CSMD3: variants seen among roughly 807,000 people sequenced by gnomAD.
The protein encoded by CSMD3 is CUB and Sushi multiple domains 3.
CSMD3 carries 177 observed loss-of-function variants against 435.2 expected under a neutral mutation model. That is an observed-to-expected ratio of 0.41 (90% confidence interval 0.36 to 0.46). The LOEUF (loss-of-function observed/expected upper bound fraction) is 0.46. Ranked by LOEUF, CSMD3 falls within the 20% of genes least tolerant of loss-of-function variation. The pLI is 0.34. For synonymous variants in CSMD3, 1,656 were observed against 1,520.5 expected (o/e 1.09, Z -2.07); for missense variants, 4,265 against 4,504.6 (o/e 0.95, Z 1.52).
chr8:112,486,769 G>T (rs1820176740), intron 31 of CSMD3, among the ~76,000 whole-genome samples: 1 of 152,204 alleles, frequency 6.6e-6, no homozygotes, highest in Admixed American at 6.5e-5. Flanking sequence ...GTATATCCAT[G>T]CTGTGCTCAC....
Position 112,701,115 on chromosome 8 carries a change from A to G in CSMD3, c.1973-11065T>C, listed in dbSNP as rs139087692. Among the ~76,000 whole-genome samples the G allele has an allele frequency of 4.0e-3, 604 of 152,244 alleles. 3 individuals carry two copies. Among genetic ancestry groups the G allele is most frequent in the African/African-American group, 0.01 (434 of 41,554 alleles). Reference sequence around the variant, plus strand: ...CACCTCCCAAGCTCCTCAATAAAGTATTAGTCTATAATCTTTGCTTCAACT... The same window carrying G: ...CACCTCCCAAGCTCCTCAATAAAGTGTTAGTCTATAATCTTTGCTTCAACT... On this transcript the variant is annotated intron_variant, in intron 13 of 70. Coordinates refer to ENST00000297405, the MANE Select transcript of CSMD3 (RefSeq NM_198123.2).
At chr8:112,473,721 ATTTTT>A (rs71309772) in intron 31 of CSMD3, among the ~76,000 whole-genome samples, 1 of 131,318 alleles carries the variant, frequency 7.6e-6, no homozygotes, top group Non-Finnish European at 1.6e-5. Context: ...AGGAAGAGGG[ATTTTT>A]TTTTTTTTTT....
intron 3 of CSMD3, among the ~76,000 whole-genome samples, chr8:113,260,594 T>C (rs1563619427): frequency 6.6e-6 from 1 of 152,164 alleles, no homozygotes; most frequent in Non-Finnish European, 1.5e-5. Context: ...CTCTCAAGAA[T>C]GATAAAATCT....
At chr8:112,914,778 C>A (rs1564099005) in intron 10 of CSMD3, among the ~76,000 whole-genome samples, 2 of 151,714 alleles carry the variant, frequency 1.3e-5, no homozygotes, top group African/African-American at 2.4e-5. Flanking sequence ...ATTTTGAGTG[C>A]ATATACATAG....
chr8:112,888,886 A>C (rs1437412990), intron 10 of CSMD3, among the ~76,000 whole-genome samples: 2 of 151,636 alleles, frequency 1.3e-5, no homozygotes, highest in Non-Finnish European at 3.0e-5. Flanking sequence ...CACAGCGTTG[A>C]CTGGAATAAG....
At chr8:113,025,195 C>T (rs966819321) in intron 5 of CSMD3, among the ~76,000 whole-genome samples, 13 of 152,042 alleles carry the variant, frequency 8.6e-5, no homozygotes, top group Non-Finnish European at 1.8e-4. Context: ...TTTCTTCTTT[C>T]CCTATGCGTA....
chr8:113,021,496 T>C (rs2086682794), intron 5 of CSMD3, among the ~76,000 whole-genome samples: 1 of 152,164 alleles, frequency 6.6e-6, no homozygotes, highest in Non-Finnish European at 1.5e-5. Flanking sequence ...CATTTCCAGA[T>C]GTAATGAGAC....
At chr8:113,078,872 C>T (rs1003666353) in intron 5 of CSMD3, among the ~76,000 whole-genome samples, 2 of 152,124 alleles carry the variant, frequency 1.3e-5, no homozygotes, top group Non-Finnish European at 2.9e-5. Context: ...TAGACAATTA[C>T]ATTTAGAGAA....
intron 38 of CSMD3, among the ~76,000 whole-genome samples, chr8:112,354,437 T>C (rs1199311720): frequency 6.6e-6 from 1 of 152,204 alleles, no homozygotes; most frequent in Non-Finnish European, 1.5e-5. Context: ...CATGATTTTA[T>C]ACTTGGAAGA....
chr8:112,519,210 T>C (rs1824024825), intron 27 of CSMD3, among the ~76,000 whole-genome samples: 1 of 152,184 alleles, frequency 6.6e-6, no homozygotes, highest in South Asian at 2.1e-4. Context: ...TTTGTTTTAT[T>C]AGATTTTAAG....
At chr8:112,489,909 C>T (rs1388469265) in intron 31 of CSMD3, among the ~76,000 whole-genome samples, 2 of 152,010 alleles carry the variant, frequency 1.3e-5, no homozygotes, top group Non-Finnish European at 1.5e-5. Context: ...ACAATTATCT[C>T]TTAGGGAAAT....
intron 27 of CSMD3, among the ~76,000 whole-genome samples, chr8:112,545,223 C>T (rs1827039211): frequency 6.6e-6 from 1 of 152,072 alleles, no homozygotes; most frequent in Admixed American, 6.6e-5. Flanking sequence ...GTGGTTCATG[C>T]CTGTAATCCC....
At chr8:113,191,808 A>G (rs1453093291) in intron 3 of CSMD3, among the ~76,000 whole-genome samples, 2 of 151,580 alleles carry the variant, frequency 1.3e-5, no homozygotes, top group Non-Finnish European at 3.0e-5. Context: ...TGGTAGTTCT[A>G]AGTTCTTTGA....
chr8:112,760,897 A>C (rs1361980136), intron 13 of CSMD3, among the ~76,000 whole-genome samples: 2 of 151,878 alleles, frequency 1.3e-5, no homozygotes, highest in East Asian at 1.9e-4. Context: ...TCTGGATGAA[A>C]CTCTTCTTTT....
At chr8:113,249,802 G>A (rs2093317695) in intron 3 of CSMD3, among the ~76,000 whole-genome samples, 1 of 149,442 alleles carries the variant, frequency 6.7e-6, no homozygotes, top group Non-Finnish European at 1.5e-5. Context: ...CTTGTTTCCT[G>A]AAAAAGAAGA....
intron 1 of CSMD3, among the ~76,000 whole-genome samples, chr8:113,337,167 A>G (rs1304105605): frequency 2.0e-5 from 3 of 152,122 alleles, no homozygotes; most frequent in African/African-American, 7.2e-5. Context: ...CTTGAAGTAA[A>G]AGGAAATTCC....
chr8:113,165,164 C>G (rs1420668272), intron 4 of CSMD3, among the ~76,000 whole-genome samples: 5 of 152,010 alleles, frequency 3.3e-5, no homozygotes, highest in African/African-American at 1.2e-4. Flanking sequence ...CTAAGCATGC[C>G]CCATCATTTT....
intron 4 of CSMD3, among the ~76,000 whole-genome samples, chr8:113,150,613 T>C (rs543730300): frequency 2.0e-5 from 3 of 152,160 alleles, no homozygotes; most frequent in African/African-American, 7.2e-5. Context: ...TTTTTGCTTT[T>C]GTCTTAAGCT....
At chr8:112,468,835 C>A (rs547577824) in intron 32 of CSMD3, among the ~76,000 whole-genome samples, 1 of 151,906 alleles carries the variant, frequency 6.6e-6, no homozygotes, top group Non-Finnish European at 1.5e-5. Context: ...TTAATAAATT[C>A]TATCTAATTG....
Sources: gnomAD v4.1 joint callset for allele counts (sites outside exome capture counted in the v4.1 genomes callset) on GRCh38, gnomAD v4.1.1 for gene constraint, MANE v1.5 for transcripts, NCBI Gene and HGNC (gene_info 2026-07-23, HGNC 2026-07-21) for gene names.